Variants in ZNF131 observed in about 807,000 individuals in gnomAD.
ZNF131 encodes zinc finger and BTB domain containing 35, also known as zinc finger protein 131.
Under a neutral mutation model 60.0 loss-of-function variants are expected in ZNF131, and 7 were observed. The observed-to-expected ratio is 0.12, with a 90% CI of 0.07 to 0.22. The LOEUF is 0.22. Among genes scored for constraint, ZNF131 ranks in the 10% least tolerant of loss-of-function variants. ZNF131 has a pLI of 1.00. For missense variants in ZNF131, 493 were observed against 740.9 expected (o/e 0.67, Z 3.88); for synonymous variants, 257 against 253.2 (o/e 1.01, Z -0.14).
chr5:43,129,410 C>T (rs999775737), intron 3 of ZNF131, among the ~76,000 whole-genome samples: 15 of 151,960 alleles, frequency 9.9e-5, no homozygotes, highest in Non-Finnish European at 1.8e-4. Flanking sequence ...AGGTGATTCT[C>T]ATCAGTCAGG....
At chr5:43,144,729 C>T (rs1369554804) in intron 4 of ZNF131, among the ~76,000 whole-genome samples, 2 of 152,020 alleles carry the variant, frequency 1.3e-5, no homozygotes, top group Non-Finnish European at 2.9e-5. Flanking sequence ...GATCAAATCT[C>T]CAAATATTTT....
At chr5:43,138,350 G>C (rs1746394121) in intron 3 of ZNF131, among the ~76,000 whole-genome samples, 1 of 152,166 alleles carries the variant, frequency 6.6e-6, no homozygotes, top group African/African-American at 2.4e-5. Context: ...CCAACTAGGA[G>C]GGTGTTAATA....
intron 4 of ZNF131, among the ~76,000 whole-genome samples, chr5:43,146,981 A>G (rs1747668960): frequency 1.3e-5 from 2 of 152,186 alleles, no homozygotes; most frequent in African/African-American, 2.4e-5. Context: ...TTATCATTCT[A>G]GAAGCTTGTC....
At chr5:43,122,323 C>T (rs1348805232) in intron 2 of ZNF131, 146 bp downstream of exon 2, 20 of 1,003,844 alleles carry the variant, frequency 2.0e-5, no homozygotes, top group Non-Finnish European at 1.4e-6. Flanking sequence ...TGCACTGGGA[C>T]CAGATTGCAC....
At position 43,145,772 on chromosome 5, in the gene ZNF131, A is replaced by G. The variant is rs191363994; in HGVS notation, c.371+6463A>G. Among the ~76,000 whole-genome samples the G allele has an allele frequency of 4.7e-4, 72 of 152,316 alleles. 2 individuals carry two copies. The South Asian group carries it at 0.012, about 25-fold the overall frequency. On this transcript the variant is annotated intron_variant, in intron 4 of 6. Coordinates refer to ENST00000682664, the MANE Select transcript of ZNF131 (RefSeq NM_001330707.2). ...GCACAATTTTTTTCCTCATTTTAAT[A>G]TATTTCAAATAGGAATTCCTTTTAA... is the stretch of plus-strand genomic sequence containing the variant.
intron 4 of ZNF131, among the ~76,000 whole-genome samples, chr5:43,153,341 C>T (rs1156526498): frequency 6.6e-6 from 1 of 151,388 alleles, no homozygotes; most frequent in African/African-American, 2.4e-5. Context: ...ATGTTCAGGG[C>T]GGGCCAGGCG....
intron 6 of ZNF131, among the ~76,000 whole-genome samples, chr5:43,173,652 T>C (rs1272065431): frequency 1.3e-5 from 2 of 152,068 alleles, no homozygotes; most frequent in Non-Finnish European, 2.9e-5. Flanking sequence ...ATAACAACTA[T>C]GTCCTAAATA....
intron 4 of ZNF131, among the ~76,000 whole-genome samples, chr5:43,139,581 T>C (rs1746545253): frequency 6.6e-6 from 1 of 152,236 alleles, no homozygotes; most frequent in South Asian, 2.1e-4. Flanking sequence ...ATCTGGATCC[T>C]TATAAACTGT....
At chr5:43,137,396 G>C (rs1251274529) in intron 3 of ZNF131, among the ~76,000 whole-genome samples, 1 of 151,996 alleles carries the variant, frequency 6.6e-6, no homozygotes, top group African/African-American at 2.4e-5. Context: ...TCTAAATGAT[G>C]CAGAAAAAAA....
chr5:43,168,602 G>A (rs1579906467), intron 5 of ZNF131, among the ~76,000 whole-genome samples: 1 of 152,298 alleles, frequency 6.6e-6, no homozygotes, highest in East Asian at 1.9e-4. Flanking sequence ...TTCCATAAAT[G>A]AGTTTGAATA....
intron 3 of ZNF131, among the ~76,000 whole-genome samples, chr5:43,130,464 T>C (rs531898153): frequency 5.9e-5 from 9 of 152,276 alleles, no homozygotes; most frequent in African/African-American, 2.2e-4. Context: ...TTCTCCTAAC[T>C]TCAAAATTAA....
At chr5:43,163,054 C>T (rs1276767635) in intron 5 of ZNF131, among the ~76,000 whole-genome samples, 1 of 132,292 alleles carries the variant, frequency 7.6e-6, no homozygotes, top group East Asian at 2.9e-4. Flanking sequence ...TCACTGTAAC[C>T]TCCGCCTCCC....
intron 3 of ZNF131, among the ~76,000 whole-genome samples, chr5:43,127,035 T>A (rs899660825): frequency 6.6e-6 from 1 of 152,184 alleles, no homozygotes; most frequent in Non-Finnish European, 1.5e-5. Context: ...GTTTTGAGTT[T>A]TGATTTCTCT....
chr5:43,144,005 C>A (rs1747231135), intron 4 of ZNF131, among the ~76,000 whole-genome samples: 1 of 144,586 alleles, frequency 6.9e-6, no homozygotes, highest in East Asian at 2.0e-4. Context: ...TCACTGCAAG[C>A]TCCACCTCCC....
At chr5:43,130,187 C>T (rs1745116766) in intron 3 of ZNF131, among the ~76,000 whole-genome samples, 1 of 141,202 alleles carries the variant, frequency 7.1e-6, no homozygotes, top group South Asian at 2.3e-4. Flanking sequence ...TTGCTTGAAC[C>T]TGAGAGGTGG....
chr5:43,141,263 C>G (rs993291352), intron 4 of ZNF131, among the ~76,000 whole-genome samples: 2 of 152,054 alleles, frequency 1.3e-5, no homozygotes, highest in African/African-American at 2.4e-5. Context: ...TGCAGAGAGA[C>G]CTGAGCATGG....
chr5:43,129,323 T>TGGC (rs1036210141), intron 3 of ZNF131, among the ~76,000 whole-genome samples: 2 of 151,968 alleles, frequency 1.3e-5, no homozygotes, highest in African/African-American at 4.8e-5. Flanking sequence ...GCTCCTGCCT[T>TGGC]GGCCTCCCAT....
Position 43,139,196 on chromosome 5 carries a change from T to C in ZNF131, c.258T>C (p.Ile86=). Residue 86 remains isoleucine (I), a synonymous_variant, in exon 4 of 7, where the codon ATT becomes ATC. Transcript: ENST00000682664. ...GVSKMAFRHL[I]EFTYTAKLMI... Reference sequence around the variant, plus strand: ...GTAAAATGGCCTTTCGCCATTTAATTGAGTTCACATATACAGCAAAATTAA... The same window carrying C: ...GTAAAATGGCCTTTCGCCATTTAATCGAGTTCACATATACAGCAAAATTAA... The C allele has an allele frequency of 1.2e-6, 2 of 1,607,068 alleles. No homozygotes were observed. The highest frequency in any genetic ancestry group is 1.7e-6 in the Non-Finnish European group (2 of 1,177,150).
chr5:43,168,048 C>G (rs180950886), intron 5 of ZNF131: 1 of 422,354 alleles, frequency 2.4e-6, no homozygotes, highest in Non-Finnish European at 4.7e-6. Flanking sequence ...GTTGAGCATG[C>G]TAGCTCAGGT....
Sources: allele counts gnomAD v4.1 joint callset (sites outside exome capture counted in the v4.1 genomes callset), GRCh38; gene constraint gnomAD v4.1.1; transcripts MANE v1.5; gene names NCBI Gene and HGNC (gene_info 2026-07-23, HGNC 2026-07-21).